The following FRAS1 variants were observed in gnomAD, a reference collection of about 807,000 sequenced individuals.
FRAS1 encodes extracellular matrix organizing protein FRAS1.
Under a neutral mutation model 435.2 loss-of-function variants are expected in FRAS1, and 290 were observed. The observed-to-expected ratio is 0.67, with a 90% CI of 0.61 to 0.73. The LOEUF is 0.73. Among genes scored for constraint, FRAS1 ranks in the 30% least tolerant of loss-of-function variants. FRAS1 has a pLI of 0.00. For missense variants in FRAS1, 4,860 were observed against 5,001.5 expected (o/e 0.97, Z 0.85); for synonymous variants, 1,800 against 1,851.0 (o/e 0.97, Z 0.71).
chr4:78,503,893 C>G (rs1720752378), intron 61 of FRAS1, among the ~76,000 whole-genome samples: 1 of 152,090 alleles, frequency 6.6e-6, no homozygotes, highest in African/African-American at 2.4e-5. Context: ...TAAATGTGTC[C>G]CAGAGATTCT....
intron 25 of FRAS1, among the ~76,000 whole-genome samples, chr4:78,374,835 C>T (rs184863871): frequency 7.2e-5 from 11 of 152,240 alleles, no homozygotes; most frequent in African/African-American, 1.7e-4. Context: ...GCTATTAACC[C>T]GGCATAGCAT....
In FRAS1 at chr4:78,245,341, C is replaced by T. The variant is rs1212992941; in HGVS notation, c.309+16C>T. ...AATCCATGAGGTAAGTGTTTTCTGA[C>T]TCACGGTTGATTCTGTGTCTGCAGA... is the stretch of plus-strand genomic sequence containing the variant. On this transcript the variant is annotated intron_variant, in intron 4 of 73. Coordinates refer to ENST00000512123, the MANE Select transcript of FRAS1 (RefSeq NM_025074.7). The T allele has an allele frequency of 6.6e-7, 1 of 1,522,482 alleles. No homozygotes were observed. 94.3% of individuals were successfully genotyped at this position (1,522,482 alleles called of 1,614,324 possible). A position where few individuals can be genotyped will look rare whatever the true frequency, so the allele number is the denominator to read the frequency against.
chr4:78,540,191 T>C (rs1469253228), intron 73 of FRAS1, among the ~76,000 whole-genome samples: 1 of 152,176 alleles, frequency 6.6e-6, no homozygotes, highest in Non-Finnish European at 1.5e-5. Context: ...ATAAATGTGG[T>C]TTTTAATGCT....
chr4:78,088,732 C>T (rs1345555331), intron 2 of FRAS1, among the ~76,000 whole-genome samples: 1 of 152,052 alleles, frequency 6.6e-6, no homozygotes, highest in African/African-American at 2.4e-5. Flanking sequence ...CAATGAGATA[C>T]CATCTCACAC....
rs1720253920 is a variant in FRAS1, at chr4:78,488,892, G to C, written c.8770G>C (p.Ala2924Pro). The C allele has an allele frequency of 1.2e-6, 2 of 1,612,444 alleles. No homozygotes were observed. The highest frequency in any genetic ancestry group is 1.7e-5 in the Admixed American group (1 of 59,874). Residue 2924 changes from alanine to proline, a missense_variant, in exon 59 of 74, where the codon GCC (alanine) becomes CCC (proline). Coordinates refer to ENST00000512123, the MANE Select transcript of FRAS1 (RefSeq NM_025074.7). Reference protein sequence around the residue: ...TFQDVPSMQFAKDLLLVKEKE... With the variant: ...TFQDVPSMQFPKDLLLVKEKE... ...CCACCTAGTGCCCAGCATGCAGTTT[G>C]CCAAGGATTTGCTCCTAGTGAAGGA... is the stretch of plus-strand genomic sequence containing the variant.
At position 78,542,715 on chromosome 4, in the gene FRAS1, A is replaced by G. The variant is rs1722098102; in HGVS notation, c.*1591A>G. The stretch of plus-strand genomic sequence containing the variant: ...TGAGCCACGCCTTTCATTCTTCAAC[A>G]GTGCCTTGCATGTAACAAGCACTCC... On this transcript the variant is annotated 3_prime_UTR_variant, in exon 74 of 74. Coordinates refer to ENST00000512123, the MANE Select transcript of FRAS1 (RefSeq NM_025074.7). 6.5e-6 allele frequency: 1 copy of G among 152,676 alleles called. No homozygotes were observed. The highest frequency in any genetic ancestry group is 2.1e-4 in the South Asian group (1 of 4,834). The allele number at this position is 152,676 out of a possible 1,614,324, so 9.5% of individuals were successfully genotyped here. A position where few individuals can be genotyped will look rare whatever the true frequency, so the allele number is the denominator to read the frequency against.
chr4:78,084,583 GGA>G (rs1741055635), intron 2 of FRAS1, among the ~76,000 whole-genome samples: 1 of 152,056 alleles, frequency 6.6e-6, no homozygotes, highest in Non-Finnish European at 1.5e-5. Context: ...TCCCATCTTT[GGA>G]TAGTGAGAAC....
intron 47 of FRAS1, among the ~76,000 whole-genome samples, chr4:78,460,266 G>A (rs962961779): frequency 2.0e-5 from 3 of 152,144 alleles, no homozygotes; most frequent in African/African-American, 4.8e-5. Context: ...TTTCTTTAGC[G>A]TGCTGGCCCT....
intron 14 of FRAS1, among the ~76,000 whole-genome samples, chr4:78,307,538 T>TGCC (rs1728820134): frequency 6.6e-6 from 1 of 152,202 alleles, no homozygotes; most frequent in Admixed American, 6.5e-5. Flanking sequence ...CCGAGCCAGG[T>TGCC]GCCGGATTTA....
At position 78,057,944 on chromosome 4, in the gene FRAS1, G is replaced by A. The variant is rs957978858; in HGVS notation, c.-66G>A. The A allele has an allele frequency of 1.3e-5, 20 of 1,524,806 alleles. No individual in the cohort carries two copies. Among genetic ancestry groups the A allele is most frequent in the Non-Finnish European group, 1.8e-5 (20 of 1,102,972 alleles). The allele number at this position is 1,524,806 out of a possible 1,614,324, so 94.5% of individuals were successfully genotyped here. A position where few individuals can be genotyped will look rare whatever the true frequency, so the allele number is the denominator to read the frequency against. ...CCGGGTTCCAAGCGCCGGAGCCAGC[G>A]TTTTGGCGGAGCCGCTTCTTGGATG... On this transcript the variant is annotated 5_prime_UTR_variant, in exon 1 of 74. Transcript: ENST00000512123. This position sits in a 1 kb window ranked among gnomAD's most constrained non-coding sequence, Gnocchi z 4.2.
intron 9 of FRAS1, among the ~76,000 whole-genome samples, chr4:78,274,386 A>G (rs960294454): frequency 1.3e-5 from 2 of 152,020 alleles, no homozygotes; most frequent in Non-Finnish European, 2.9e-5. Flanking sequence ...TTGCTTCTCT[A>G]GTTCCTTTCA....
intron 14 of FRAS1, among the ~76,000 whole-genome samples, chr4:78,301,994 T>A (rs1728431644): frequency 6.6e-6 from 1 of 151,822 alleles, no homozygotes; most frequent in Non-Finnish European, 1.5e-5. Context: ...CCCAATGCTA[T>A]CCCTCCCCAC....
intron 19 of FRAS1, among the ~76,000 whole-genome samples, chr4:78,334,738 A>G (rs1394789805): frequency 6.6e-6 from 1 of 151,864 alleles, no homozygotes; most frequent in African/African-American, 2.4e-5. Context: ...TATCGTTTTC[A>G]TGGCTGCATA....
At chr4:78,360,182 G>T (rs17425245) in intron 20 of FRAS1, among the ~76,000 whole-genome samples, 23,062 of 152,194 alleles carry the variant, frequency 0.15, 2,242 homozygotes, top group Non-Finnish European at 0.22. Flanking sequence ...AGAGAGTTTT[G>T]AGAAGGAGGG....
intron 2 of FRAS1, among the ~76,000 whole-genome samples, chr4:78,175,156 C>A (rs183347476): frequency 6.6e-6 from 1 of 152,218 alleles, no homozygotes; most frequent in South Asian, 2.1e-4. Context: ...CTTATCCCAT[C>A]GCCTGGAGGC....
At chr4:78,236,378 A>G (rs938024156) in intron 2 of FRAS1, among the ~76,000 whole-genome samples, 1 of 151,922 alleles carries the variant, frequency 6.6e-6, no homozygotes, top group Non-Finnish European at 1.5e-5. Context: ...TGGTGTTTAC[A>G]TGGAGAAATA....
rs991027702 is a variant in FRAS1, at chr4:78,489,321, C to T, written c.8958+241C>T. On this transcript the variant is annotated intron_variant, in intron 59 of 73. Transcript: ENST00000512123. ...TGTTGACTGAAAGCCTTACCAATAA[C>T]ATAAGTAGTTGATTATCACATATTT... Among the ~76,000 whole-genome samples, 5 of 152,234 alleles carry T rather than the reference C, an allele frequency of 3.3e-5. No homozygotes were observed. The East Asian group carries it at 5.8e-4, about 18-fold the overall frequency.
chr4:78,100,240 CT>C (rs1742054278), intron 2 of FRAS1, among the ~76,000 whole-genome samples: 1 of 152,214 alleles, frequency 6.6e-6, no homozygotes, highest in South Asian at 2.1e-4. Flanking sequence ...TGGTTGACCT[CT>C]CCCCTCTGCA....
chr4:78,506,861 T>G (rs1056346453), intron 61 of FRAS1, among the ~76,000 whole-genome samples: 1 of 152,188 alleles, frequency 6.6e-6, no homozygotes, highest in Non-Finnish European at 1.5e-5. Flanking sequence ...AGACCAGAGC[T>G]GTTCCTATTC....
Sources: gnomAD v4.1 joint callset for allele counts (sites outside exome capture counted in the v4.1 genomes callset) on GRCh38, gnomAD v4.1.1 for gene constraint, Gnocchi (gnomAD v3.1) non-coding constraint, MANE v1.5 for transcripts, NCBI Gene and HGNC (gene_info 2026-07-23, HGNC 2026-07-21) for gene names.